The following SLC44A5 variants were observed in gnomAD, a reference collection of about 807,000 sequenced individuals.
SLC44A5 encodes solute carrier family 44 member 5, also known as choline transporter-like protein 5.
Under a neutral mutation model 101.8 loss-of-function variants are expected in SLC44A5, and 57 were observed. The ratio of observed to expected loss-of-function variants is 0.56; its 90% CI spans 0.45 to 0.70. The LOEUF is 0.70. Among genes scored for constraint, SLC44A5 ranks in the 30% least tolerant of loss-of-function variants. The pLI is 0.00. For missense variants in SLC44A5, 737 were observed against 853.1 expected (o/e 0.86, Z 1.70); for synonymous variants, 281 against 290.9 (o/e 0.97, Z 0.35).
intron 2 of SLC44A5, among the ~76,000 whole-genome samples, chr1:75,511,467 T>C (rs542606179): frequency 2.6e-5 from 4 of 152,340 alleles, no homozygotes; most frequent in East Asian, 1.9e-4. Flanking sequence ...TAGAATCTGC[T>C]TGAAATTTTT....
At chr1:75,396,312 C>G (rs1662117952) in intron 3 of SLC44A5, among the ~76,000 whole-genome samples, 3 of 152,078 alleles carry the variant, frequency 2.0e-5, no homozygotes, top group Non-Finnish European at 4.4e-5. Flanking sequence ...GGAAAGAAGA[C>G]AAGATGTGTC....
At position 75,498,353 on chromosome 1, in the gene SLC44A5, C is replaced by T. The variant is rs76237368; in HGVS notation, c.13+43082G>A. On this transcript the variant is annotated intron_variant, in intron 2 of 23. Transcript: ENST00000370859. Reference sequence around the variant, plus strand: ...TCCAAGCCAAGGAACCAACAATAAACCTTCATAACAAAACTACTGGAGTAG... The same window carrying T: ...TCCAAGCCAAGGAACCAACAATAAATCTTCATAACAAAACTACTGGAGTAG... Among the ~76,000 whole-genome samples, 1,246 of 152,238 alleles carry T rather than the reference C, an allele frequency of 8.2e-3. 8 individuals carry two copies. Among genetic ancestry groups the T allele is most frequent in the South Asian group, 0.02 (97 of 4,822 alleles).
At chr1:75,338,651 AG>A (rs1657630272) in intron 4 of SLC44A5, among the ~76,000 whole-genome samples, 1 of 152,196 alleles carries the variant, frequency 6.6e-6, no homozygotes, top group South Asian at 2.1e-4. Flanking sequence ...ATTTTAAAGA[AG>A]GTGCCTTTAT....
intron 1 of SLC44A5, among the ~76,000 whole-genome samples, chr1:75,575,358 T>C (rs1405155781): frequency 6.6e-6 from 1 of 152,200 alleles, no homozygotes; most frequent in Non-Finnish European, 1.5e-5. Context: ...TTTAGCATTT[T>C]ATAATGTACT....
chr1:75,313,799 C>T (rs535011388), intron 4 of SLC44A5, among the ~76,000 whole-genome samples: 15 of 151,784 alleles, frequency 9.9e-5, no homozygotes, highest in African/African-American at 3.4e-4. Flanking sequence ...GATGAAAATC[C>T]GAAGTTATTA....
intron 2 of SLC44A5, among the ~76,000 whole-genome samples, chr1:75,481,064 C>T (rs1667812317): frequency 6.6e-6 from 1 of 152,120 alleles, no homozygotes; most frequent in Non-Finnish European, 1.5e-5. Flanking sequence ...AGATATAGAT[C>T]AATGGAACAG....
intron 1 of SLC44A5, among the ~76,000 whole-genome samples, chr1:75,560,066 G>A (rs545824559): frequency 1.3e-5 from 2 of 152,240 alleles, no homozygotes; most frequent in East Asian, 1.9e-4. Context: ...GAAGAAATTG[G>A]AACCCTCATA....
chr1:75,533,215 C>T (rs577995713), intron 2 of SLC44A5, among the ~76,000 whole-genome samples: 65 of 152,212 alleles, frequency 4.3e-4, no homozygotes, highest in African/African-American at 1.4e-3. Context: ...CTGTGCCATA[C>T]AATTTAGCAC....
intron 6 of SLC44A5, among the ~76,000 whole-genome samples, chr1:75,262,308 G>T (rs192545510): frequency 3.9e-5 from 6 of 152,254 alleles, no homozygotes; most frequent in African/African-American, 1.4e-4. Flanking sequence ...CAAAATCAAT[G>T]TGCAAAAAGC....
At chr1:75,237,448 C>A (rs1648196657) in intron 10 of SLC44A5, among the ~76,000 whole-genome samples, 1 of 152,026 alleles carries the variant, frequency 6.6e-6, no homozygotes, top group South Asian at 2.1e-4. Flanking sequence ...CTTCCTAATC[C>A]TGACAGTAAG....
chr1:75,213,004 A>C (rs2100459927), intron 22 of SLC44A5, among the ~76,000 whole-genome samples: 1 of 152,282 alleles, frequency 6.6e-6, no homozygotes, highest in East Asian at 1.9e-4. Flanking sequence ...TGCAGGGGTC[A>C]GTTCATGACC....
In SLC44A5 at chr1:75,380,727, C is replaced by T. The variant is rs183043694; in HGVS notation, c.52+15856G>A. ...TACCCACTAGACATTTGAAGTTCTA[C>T]AATGAACCCATCGGAGATGCAAAGA... is the stretch of plus-strand genomic sequence containing the variant. On this transcript the variant is annotated intron_variant, in intron 3 of 23. Transcript: ENST00000370859. Among the ~76,000 whole-genome samples, 424 of 82,912 alleles carry T rather than the reference C, an allele frequency of 5.1e-3. 128 individuals carry two copies. Among genetic ancestry groups the T allele is most frequent in the Middle Eastern group, 0.047 (9 of 190 alleles). 54.4% of individuals were successfully genotyped at this position (82,912 alleles called of 152,430 possible). A position where few individuals can be genotyped will look rare whatever the true frequency, so the allele number is the denominator to read the frequency against.
At chr1:75,559,533 C>T (rs1055619176) in intron 1 of SLC44A5, among the ~76,000 whole-genome samples, 1 of 152,134 alleles carries the variant, frequency 6.6e-6, no homozygotes, top group East Asian at 1.9e-4. Flanking sequence ...TAGTGAGCAA[C>T]AGGCAAAGGC....
the SLC44A5 span, among the ~76,000 whole-genome samples, chr1:75,694,501 T>C: frequency 6.6e-6 from 1 of 152,274 alleles, no homozygotes; most frequent in East Asian, 1.9e-4. Context: ...TGTTGTTACA[T>C]GTAAATCCTA....
intron 2 of SLC44A5, among the ~76,000 whole-genome samples, chr1:75,469,876 G>A (rs1174180309): frequency 1.4e-5 from 2 of 145,516 alleles, no homozygotes; most frequent in East Asian, 2.0e-4. Flanking sequence ...CTCCAGCCTG[G>A]GCGACAGAGA....
At chr1:75,535,265 G>T (rs1056775232) in intron 2 of SLC44A5, among the ~76,000 whole-genome samples, 1 of 152,028 alleles carries the variant, frequency 6.6e-6, no homozygotes, top group Non-Finnish European at 1.5e-5. Flanking sequence ...GCCCTGAGAA[G>T]GTGAGCCTGA....
At chr1:75,219,481 T>C (rs2100497871) in intron 15 of SLC44A5, 137 bp from the exon 16 acceptor site, 1 of 686,762 alleles carries the variant, frequency 1.5e-6, no homozygotes, top group East Asian at 2.7e-5. Context: ...ATTCATCTAT[T>C]TTTCAGGCCT....
rs140853275 is a variant in SLC44A5 at position 75,283,791 on chromosome 1, A to T, written c.176-8749T>A. On this transcript the variant is annotated intron_variant, in intron 5 of 23. Coordinates refer to ENST00000370859, the MANE Select transcript of SLC44A5 (RefSeq NM_001130058.2). Reference sequence around the variant, plus strand: ...CTTTTTTTTTTGTTTGCTTTGTCGAAGATCAGTTGGCTGTAAGTATTTGGC... The same window carrying T: ...CTTTTTTTTTTGTTTGCTTTGTCGATGATCAGTTGGCTGTAAGTATTTGGC... 9.7e-3 allele frequency among the ~76,000 whole-genome samples: 1,480 copies of T among 152,190 alleles called. 33 individuals carry two copies. Among genetic ancestry groups the T allele is most frequent in the African/African-American group, 0.034 (1,401 of 41,528 alleles).
chr1:75,561,708 G>A (rs1346271618), intron 1 of SLC44A5, among the ~76,000 whole-genome samples: 1 of 152,062 alleles, frequency 6.6e-6, no homozygotes, highest in Non-Finnish European at 1.5e-5. Flanking sequence ...TATCTCTACT[G>A]TTTGCAGAAT....
Sources: allele counts gnomAD v4.1 joint callset (sites outside exome capture counted in the v4.1 genomes callset), GRCh38; gene constraint gnomAD v4.1.1; transcripts MANE v1.5; gene names NCBI Gene and HGNC (gene_info 2026-07-23, HGNC 2026-07-21).